WDR72: variants seen among roughly 807,000 people sequenced by gnomAD.
The protein encoded by WDR72 is WD repeat-containing protein 72.
Under a neutral mutation model 124.2 loss-of-function variants are expected in WDR72, and 120 were observed. That is an observed-to-expected ratio of 0.97 (90% CI 0.83 to 1.12). The LOEUF is 1.12. Among genes scored for constraint, WDR72 ranks in the 50% most tolerant of loss-of-function variants. WDR72 has a pLI of 0.00. For missense variants in WDR72, 1,387 were observed against 1,278.8 expected (o/e 1.08, Z -1.29); for synonymous variants, 452 against 441.7 (o/e 1.02, Z -0.29).
chr15:53,702,542 T>C (rs753202964), intron 11 of WDR72, among the ~76,000 whole-genome samples, 188 bp from the exon 12 acceptor site: 2 of 152,338 alleles, frequency 1.3e-5, no homozygotes, highest in South Asian at 4.1e-4. Context: ...AGCCAGAGTA[T>C]GCTTTTGATG....
chr15:53,558,986 C>T (rs774240910), intron 18 of WDR72, among the ~76,000 whole-genome samples: 1 of 152,106 alleles, frequency 6.6e-6, no homozygotes, highest in East Asian at 1.9e-4. Context: ...TTAAAATCCA[C>T]ATTCTTGGAG....
intron 14 of WDR72, among the ~76,000 whole-genome samples, chr15:53,653,341 G>C (rs1261823572): frequency 6.6e-6 from 1 of 152,194 alleles, no homozygotes; most frequent in African/African-American, 2.4e-5. Flanking sequence ...TTACACTGGA[G>C]TAGAGGGTAG....
chr15:53,686,717 G>T (rs2016642551), intron 13 of WDR72, among the ~76,000 whole-genome samples: 1 of 149,604 alleles, frequency 6.7e-6, no homozygotes, highest in African/African-American at 2.5e-5. Flanking sequence ...GGACCTAATA[G>T]ACATCTACAG....
chr15:53,726,220 G>GTATA (rs148593734), intron 2 of WDR72, among the ~76,000 whole-genome samples: 18 of 136,476 alleles, frequency 1.3e-4, no homozygotes, highest in African/African-American at 4.9e-4. Flanking sequence ...ATATGTATGT[G>GTATA]TATATATATA....
intron 2 of WDR72, among the ~76,000 whole-genome samples, chr15:53,726,816 A>G (rs1051060577): frequency 6.6e-6 from 1 of 151,964 alleles, no homozygotes; most frequent in African/African-American, 2.4e-5. Flanking sequence ...TGCACTCCAG[A>G]CTGGGTGACA....
rs17550452 is a variant in WDR72 at position 53,740,764 on chromosome 15, G to A, written c.-12-7603C>T. On this transcript the variant is annotated intron_variant, in intron 1 of 19. Coordinates refer to ENST00000360509, the MANE Select transcript of WDR72 (RefSeq NM_182758.4). Reference sequence around the variant, plus strand: ...TATTTTTAAGCTCTGTATACCAAAAGAGAGGGAGTGGATTAAGAGTGTAAA... The same window carrying A: ...TATTTTTAAGCTCTGTATACCAAAAAAGAGGGAGTGGATTAAGAGTGTAAA... Among the ~76,000 whole-genome samples, 1,457 of 152,290 alleles carry A rather than the reference G, an allele frequency of 9.6e-3. 22 individuals are homozygous for A. Among genetic ancestry groups the A allele is most frequent in the Non-Finnish European group, 0.017 (1,164 of 68,020 alleles).
In WDR72 at chr15:53,516,662, C is replaced by T. The variant is rs926573857; in HGVS notation, c.*1037G>A. ...GTGACTTGGACTTCCCTATTAGATA[C>T]ATAGATAGATAGATATAGCTATATA... On this transcript the variant is annotated 3_prime_UTR_variant, in exon 20 of 20. Transcript: ENST00000360509. 1 of 151,918 alleles carries T rather than the reference C, an allele frequency of 6.6e-6. No homozygotes were observed. The highest frequency in any genetic ancestry group is 1.5e-5 in the Non-Finnish European group (1 of 67,942). The allele number at this position is 151,918 out of a possible 1,614,324, so 9.4% of individuals were successfully genotyped here.
chr15:53,705,687 T>C (rs2017332355), intron 10 of WDR72, among the ~76,000 whole-genome samples: 1 of 152,168 alleles, frequency 6.6e-6, no homozygotes, highest in Non-Finnish European at 1.5e-5. Flanking sequence ...GGTCTCGAAG[T>C]CCTTTGCTCA....
At chr15:53,704,176 A>T (rs1297203268) in intron 11 of WDR72, among the ~76,000 whole-genome samples, 1 of 152,222 alleles carries the variant, frequency 6.6e-6, no homozygotes, top group African/African-American at 2.4e-5. Flanking sequence ...CATTGTCCAT[A>T]GTAGCTAAAA....
At chr15:53,553,839 G>A (rs1175732605) in intron 18 of WDR72, among the ~76,000 whole-genome samples, 27 of 152,250 alleles carry the variant, frequency 1.8e-4, no homozygotes, top group Non-Finnish European at 4.4e-5. Context: ...GTAACACAGT[G>A]ATGTAATTTG....
chr15:53,740,550 C>A (rs2140878704), intron 1 of WDR72, among the ~76,000 whole-genome samples: 1 of 152,250 alleles, frequency 6.6e-6, no homozygotes, highest in South Asian at 2.1e-4. Context: ...CCCGCCTCCG[C>A]CTCCCAAAGT....
chr15:53,745,338 A>C (rs187130948), intron 1 of WDR72, among the ~76,000 whole-genome samples: 1 of 152,252 alleles, frequency 6.6e-6, no homozygotes, highest in African/African-American at 2.4e-5. Context: ...TTCTAGCAAT[A>C]CCTTTGAGAG....
chr15:53,535,994 G>A (rs943536480), intron 18 of WDR72, among the ~76,000 whole-genome samples: 11 of 152,146 alleles, frequency 7.2e-5, no homozygotes, highest in African/African-American at 1.9e-4. Flanking sequence ...GCCTGCATGC[G>A]TGTTTAAAGC....
Position 53,716,634 on chromosome 15 carries a change from T to C in WDR72, c.312A>G (p.Thr104=). 6.2e-7 allele frequency: 1 copy of C among 1,609,802 alleles called. No homozygotes were observed. Among genetic ancestry groups the C allele is most frequent in the Non-Finnish European group, 8.5e-7 (1 of 1,176,074 alleles). Residue 104 remains threonine, a synonymous_variant, in exon 4 of 20, where the codon ACA becomes ACG. Transcript: ENST00000360509. The stretch of plus-strand genomic sequence containing the variant: ...AGATTGCAGTGTGCCTGTAAGGAAG[T>C]GTAGCCTTCTCCATGCACTGTCCAT... ...VTNGQCMEKA[T]LPYRHTAICY...
chr15:53,696,245 T>C (rs74018724), intron 13 of WDR72, among the ~76,000 whole-genome samples: 6,794 of 152,196 alleles, frequency 0.045, 536 homozygotes, highest in African/African-American at 0.16. Context: ...GTGAACCCTG[T>C]GGAGAGAATA....
At chr15:53,711,262 AT>A in intron 8 of WDR72, 73 bp downstream of exon 8, 1 of 1,607,268 alleles carries the variant, frequency 6.2e-7, no homozygotes. Flanking sequence ...GCATGCAGGG[AT>A]TTTTCCATAA....
intron 1 of WDR72, among the ~76,000 whole-genome samples, chr15:53,749,925 C>A (rs909975429): frequency 1.5e-4 from 23 of 152,126 alleles, no homozygotes; most frequent in Non-Finnish European, 3.2e-4. Context: ...AGTGGAAAAG[C>A]TGGAAGCTAG....
intron 14 of WDR72, among the ~76,000 whole-genome samples, chr15:53,632,183 C>T (rs2014454882): frequency 6.6e-6 from 1 of 152,070 alleles, no homozygotes; most frequent in African/African-American, 2.4e-5. Flanking sequence ...GACCAGGGCC[C>T]ACTGTCCTGA....
intron 14 of WDR72, among the ~76,000 whole-genome samples, chr15:53,659,822 T>C (rs1266362420): frequency 6.6e-6 from 1 of 152,134 alleles, no homozygotes; most frequent in South Asian, 2.1e-4. Flanking sequence ...TCACTTTATG[T>C]GTTCAAAAAG....
Sources: gnomAD v4.1 joint callset for allele counts (sites outside exome capture counted in the v4.1 genomes callset) on GRCh38, gnomAD v4.1.1 for gene constraint, MANE v1.5 for transcripts, NCBI Gene and HGNC (gene_info 2026-07-23, HGNC 2026-07-21) for gene names.